ASZ1: variants seen among roughly 807,000 people sequenced by gnomAD.
ASZ1 encodes the protein ankyrin repeat, SAM and basic leucine zipper domain-containing protein 1.
Under a neutral mutation model 61.8 loss-of-function variants are expected in ASZ1, and 67 were observed. The ratio of observed to expected loss-of-function variants is 1.08; its 90% CI spans 0.89 to 1.33. The LOEUF (loss-of-function observed/expected upper bound fraction) is 1.33. Ranked by LOEUF, ASZ1 falls within the 40% of genes most tolerant of loss-of-function variation. The pLI, the probability that ASZ1 is intolerant of heterozygous loss-of-function variation, is 0.00. For missense variants in ASZ1, 577 were observed against 554.5 expected, an observed-to-expected ratio of 1.04 and a Z score of -0.41; for synonymous variants, 193 against 192.7, an observed-to-expected ratio of 1.00 and a Z score of -0.01.
At chr7:117,423,074 A>G (rs534651270) in intron 2 of ASZ1, among the ~76,000 whole-genome samples, 1 of 152,346 alleles carries the variant, frequency 6.6e-6, no homozygotes, top group African/African-American at 2.4e-5. Context: ...GGTCATCAGA[A>G]TTTAAAATTA....
At chr7:117,392,436 T>C (rs879882324) in intron 4 of ASZ1, among the ~76,000 whole-genome samples, 4 of 152,186 alleles carry the variant, frequency 2.6e-5, no homozygotes, top group Non-Finnish European at 4.4e-5. Context: ...ATTTTAATTA[T>C]TTCATTTTTT....
chr7:117,407,610 T>C (rs926336440), intron 4 of ASZ1, among the ~76,000 whole-genome samples: 16 of 152,282 alleles, frequency 1.1e-4, no homozygotes, highest in African/African-American at 3.4e-4. Context: ...AATAAAACAA[T>C]TGCAATAATA....
At chr7:117,370,120 A>G (rs1312959422) in intron 10 of ASZ1, among the ~76,000 whole-genome samples, 1 of 152,128 alleles carries the variant, frequency 6.6e-6, no homozygotes, top group African/African-American at 2.4e-5. Flanking sequence ...CTGGGCTCTA[A>G]AGACTCATGA....
At chr7:117,405,790 G>C (rs1424535804) in intron 4 of ASZ1, among the ~76,000 whole-genome samples, 1 of 152,156 alleles carries the variant, frequency 6.6e-6, no homozygotes, top group African/African-American at 2.4e-5. Flanking sequence ...CGAGCCATAG[G>C]GTTTATTAAA....
chr7:117,393,759 TTC>T (rs1796521997), intron 4 of ASZ1, among the ~76,000 whole-genome samples: 8 of 152,172 alleles, frequency 5.3e-5, no homozygotes, highest in Admixed American at 4.6e-4. Flanking sequence ...TTTTTGCACT[TTC>T]TGTTTATCAT....
At chr7:117,372,848 G>T (rs1159569350) in intron 10 of ASZ1, among the ~76,000 whole-genome samples, 1 of 151,934 alleles carries the variant, frequency 6.6e-6, no homozygotes, top group Non-Finnish European at 1.5e-5. Context: ...CTTTTATATT[G>T]TGCCTTTTAT....
In ASZ1 at chr7:117,420,416, T is replaced by C. The variant is rs76666941; in HGVS notation, c.329-142A>G. The C allele has an allele frequency of 1.8e-3, 973 of 535,798 alleles. 9 individuals are homozygous for C. Among genetic ancestry groups the C allele is most frequent in the African/African-American group, 0.014 (743 of 52,168 alleles). 33.2% of individuals were successfully genotyped at this position (535,798 alleles called of 1,614,324 possible). A position where few individuals can be genotyped will look rare whatever the true frequency, so the allele number is the denominator to read the frequency against. ...ATCTCTCACTCTTAGCAGGTAACTT[T>C]GTCTTCCTTCATCGAAAGATGAGAT... On this transcript the variant is annotated intron_variant, in intron 3 of 12. Coordinates refer to ENST00000284629, the MANE Select transcript of ASZ1 (RefSeq NM_130768.3).
At chr7:117,423,296 T>A (rs1364412901) in intron 2 of ASZ1, among the ~76,000 whole-genome samples, 1 of 152,102 alleles carries the variant, frequency 6.6e-6, no homozygotes, top group Non-Finnish European at 1.5e-5. Context: ...ACTGAAAGAC[T>A]ACATATGTCT....
At chr7:117,377,365 A>G (rs908819656) in intron 10 of ASZ1, among the ~76,000 whole-genome samples, 5 of 151,912 alleles carry the variant, frequency 3.3e-5, no homozygotes, top group African/African-American at 1.2e-4. Context: ...TGTCTCTACA[A>G]AAAAGTTCAA....
intron 4 of ASZ1, among the ~76,000 whole-genome samples, chr7:117,394,452 T>A (rs898174790): frequency 3.3e-5 from 5 of 152,202 alleles, no homozygotes; most frequent in African/African-American, 1.2e-4. Context: ...TTTTAGGATT[T>A]TTGCCTTCAT....
At chr7:117,363,845 C>T in intron 12 of ASZ1, 97 bp from the exon 13 acceptor site, 2 of 1,038,290 alleles carry the variant, frequency 1.9e-6, no homozygotes, top group Non-Finnish European at 2.5e-6. Context: ...CATGTTAATT[C>T]ATTTCACTTG....
chr7:117,394,717 T>G (rs1244497630), intron 4 of ASZ1, among the ~76,000 whole-genome samples: 6 of 152,158 alleles, frequency 3.9e-5, no homozygotes, highest in Admixed American at 6.5e-5. Context: ...CTTTATACTT[T>G]CCATTTCTTT....
intron 10 of ASZ1, among the ~76,000 whole-genome samples, chr7:117,377,094 C>T (rs1253174431): frequency 3.9e-5 from 6 of 152,060 alleles, no homozygotes; most frequent in Non-Finnish European, 7.4e-5. Context: ...ACAGTCGAGA[C>T]ACAAAAATCA....
intron 4 of ASZ1, among the ~76,000 whole-genome samples, chr7:117,391,218 T>C (rs1256826769): frequency 6.6e-6 from 1 of 152,162 alleles, no homozygotes; most frequent in African/African-American, 2.4e-5. Context: ...AGAGCCTGGA[T>C]ATTTAGTCCT....
Position 117,368,661 on chromosome 7 carries a change from A to C in ASZ1, c.1112T>G (p.Ile371Arg). 1 of 1,612,988 alleles carries C rather than the reference A, an allele frequency of 6.2e-7. No homozygotes were observed. The highest frequency in any genetic ancestry group is 8.5e-7 in the Non-Finnish European group (1 of 1,179,430). ...LKLNKQCGHL[I>R]TAVQNVITEL... is the part of the protein sequence containing the mutation. ...AGTAATAACATTCTGTACAGCTGTT[A>C]TTAAATGGCCACACTGTTTATTTAA... The change falls in exon 11 of 13, where the codon ATA (isoleucine) becomes AGA (arginine). Residue 371 changes from isoleucine (I) to arginine (R), a missense_variant. Physicochemically the swap from Ile to Arg is moderately conservative, Grantham distance 97. Transcript: ENST00000284629.
chr7:117,383,207 G>A, intron 6 of ASZ1, 97 bp from the exon 7 acceptor site: 6 of 1,283,026 alleles, frequency 4.7e-6, no homozygotes, highest in Admixed American at 3.4e-5. Flanking sequence ...TATCCAGAAA[G>A]GAAATTTTAG....
chr7:117,381,061 C>G lies in ASZ1; in HGVS notation c.895G>C (p.Asp299His), dbSNP rs760587484. The change falls in exon 9 of 13, where the codon GAT becomes CAT. Residue 299 changes from aspartate (D) to histidine (H), a missense_variant. Asp to His is a moderately conservative substitution (Grantham distance 81). Transcript: ENST00000284629. ...EHMTDLLKERDITLRHLLTMR... is the reference protein window; with the variant it reads ...EHMTDLLKERHITLRHLLTMR... ...GTCAAAAGATGTCTTAACGTTATAT[C>G]CCTTTCCTGTATAAAAGGAAAAAAA... is the stretch of plus-strand genomic sequence containing the variant. The G allele has an allele frequency of 4.4e-6, 7 of 1,585,866 alleles. No individual in the cohort carries two copies. The East Asian group carries it at 1.4e-4, about 31-fold the overall frequency.
intron 4 of ASZ1, among the ~76,000 whole-genome samples, chr7:117,404,460 A>C (rs1796742900): frequency 6.9e-6 from 1 of 144,710 alleles, no homozygotes; most frequent in Non-Finnish European, 1.5e-5. Context: ...CCAGCAGTGC[A>C]TACCTCTTAC....
intron 10 of ASZ1, among the ~76,000 whole-genome samples, chr7:117,379,136 TATA>T (rs1562847613): frequency 1.9e-4 from 17 of 88,496 alleles, no homozygotes; most frequent in African/African-American, 7.0e-4. Context: ...GATAAAATTA[TATA>T]TATATATATA....
Sources: gnomAD v4.1 joint callset for allele counts (sites outside exome capture counted in the v4.1 genomes callset) on GRCh38, gnomAD v4.1.1 for gene constraint, MANE v1.5 for transcripts, NCBI Gene and HGNC (gene_info 2026-07-23, HGNC 2026-07-21) for gene names.